The following DAB1 variants were observed in gnomAD, a reference collection of about 807,000 sequenced individuals.
DAB1 encodes DAB adaptor protein 1.
A neutral mutation model predicts 64.6 loss-of-function variants in DAB1; 15 were observed. The ratio of observed to expected loss-of-function variants is 0.23; its 90% confidence interval spans 0.16 to 0.36. The LOEUF (loss-of-function observed/expected upper bound fraction) is 0.36. Among genes scored for constraint, DAB1 ranks in the 10% least tolerant of loss-of-function variants. The pLI, the probability that DAB1 is intolerant of heterozygous loss-of-function variation, is 1.00. For missense variants in DAB1, 596 were observed against 706.7 expected (o/e 0.84, Z 1.78); for synonymous variants, 235 against 251.9 (o/e 0.93, Z 0.64).
intron 6 of DAB1, among the ~76,000 whole-genome samples, chr1:57,742,306 AAGT>A (rs770046380): frequency 1.3e-5 from 2 of 152,194 alleles, no homozygotes; most frequent in Non-Finnish European, 2.9e-5. Context: ...AAAAATATAA[AAGT>A]AGATTTCATG....
At position 57,567,437 on chromosome 1, in the gene DAB1, C is replaced by A. The variant is rs557900674; in HGVS notation, n.625+82155G>T. 4.6e-5 allele frequency among the ~76,000 whole-genome samples: 7 copies of A among 152,224 alleles called. No individual in the cohort carries two copies. In the South Asian group the frequency reaches 6.2e-4, roughly 14 times the overall value. Reference sequence around the variant, plus strand: ...GGAAGTTCTGGCCAGGGCAACCAGGCAGGAGAAAGAAATAAAGGGTATTCA... The same window carrying A: ...GGAAGTTCTGGCCAGGGCAACCAGGAAGGAGAAAGAAATAAAGGGTATTCA... On this transcript the variant is annotated intron_variant and non_coding_transcript_variant, in intron 7 of 20. Transcript: ENST00000485760.
chr1:58,086,947 C>T (rs149470693), intron 5 of DAB1, among the ~76,000 whole-genome samples: 20 of 152,176 alleles, frequency 1.3e-4, no homozygotes, highest in African/African-American at 4.6e-4. Flanking sequence ...CCATAATATG[C>T]TGTGAGGTCC....
chr1:58,429,502 T>C (rs1306900212), intron 3 of DAB1, among the ~76,000 whole-genome samples: 4 of 152,130 alleles, frequency 2.6e-5, no homozygotes, highest in African/African-American at 9.7e-5. Flanking sequence ...AGGAAGGCCT[T>C]TCCCTGTGTC....
intron 4 of DAB1, among the ~76,000 whole-genome samples, chr1:58,288,019 C>CAAAAAAAAAAAAAAAAAAAAAA (rs763850453): frequency 4.5e-5 from 1 of 21,982 alleles, no homozygotes; most frequent in Admixed American, 6.9e-4. Context: ...AAGACTGCCT[C>CAAAAAAAAAAAAAAAAAAAAAA]AAAAAAAAAA....
chr1:57,724,286 C>CGAAG (rs761987366), intron 6 of DAB1, among the ~76,000 whole-genome samples: 12 of 109,662 alleles, frequency 1.1e-4, no homozygotes, highest in Admixed American at 5.2e-4. Context: ...AAGGAAGGAA[C>CGAAG]GAAGGAAGGA....
At chr1:57,551,850 G>C (rs1215613174) in intron 7 of DAB1, among the ~76,000 whole-genome samples, 1 of 152,130 alleles carries the variant, frequency 6.6e-6, no homozygotes, top group Non-Finnish European at 1.5e-5. Context: ...CTTTCCCCAA[G>C]ACTTGAAACA....
chr1:57,808,732 C>T (rs1206075772), intron 6 of DAB1, among the ~76,000 whole-genome samples: 1 of 152,104 alleles, frequency 6.6e-6, no homozygotes, highest in Non-Finnish European at 1.5e-5. Context: ...ATAATGAAAA[C>T]TTTAGTTTTC....
At chr1:58,494,861 C>G (rs1487719167) in intron 3 of DAB1, among the ~76,000 whole-genome samples, 1 of 152,116 alleles carries the variant, frequency 6.6e-6, no homozygotes, top group South Asian at 2.1e-4. Context: ...GTCAGTGTGG[C>G]GATTCCTCAG....
intron 1 of DAB1, among the ~76,000 whole-genome samples, chr1:57,332,417 T>C (rs1676749102): frequency 6.6e-6 from 1 of 152,224 alleles, no homozygotes; most frequent in Non-Finnish European, 1.5e-5. Flanking sequence ...CAGTGTCTGT[T>C]ACCTTTCTAG....
At chr1:57,057,193 A>T (rs768762070) in intron 9 of DAB1, among the ~76,000 whole-genome samples, 1 of 152,186 alleles carries the variant, frequency 6.6e-6, no homozygotes, top group Admixed American at 6.5e-5. Context: ...AAAGTAGAGA[A>T]GGCAACAAAA....
chr1:57,517,400 T>G (rs936780959), intron 7 of DAB1, among the ~76,000 whole-genome samples: 2 of 152,224 alleles, frequency 1.3e-5, no homozygotes, highest in African/African-American at 4.8e-5. Flanking sequence ...GCAAAGGTGC[T>G]GACCTAACTG....
At chr1:57,411,370 G>T (rs1307981664) in intron 1 of DAB1, among the ~76,000 whole-genome samples, 1 of 152,202 alleles carries the variant, frequency 6.6e-6, no homozygotes, top group South Asian at 2.1e-4. Context: ...TCATTTGAAA[G>T]TGGGAATAAC....
At chr1:57,891,266 C>A (rs1644309621) in intron 5 of DAB1, among the ~76,000 whole-genome samples, 1 of 152,160 alleles carries the variant, frequency 6.6e-6, no homozygotes, top group Admixed American at 6.5e-5. Flanking sequence ...AAAAGCTCGT[C>A]ATCACTGGTC....
At chr1:57,951,430 A>ACACTGACT (rs1189184540) in intron 5 of DAB1, among the ~76,000 whole-genome samples, 21 of 150,520 alleles carry the variant, frequency 1.4e-4, no homozygotes, top group Non-Finnish European at 2.5e-4. Context: ...CAATGTAGAA[A>ACACTGACT]CACTGACTTA....
intron 6 of DAB1, among the ~76,000 whole-genome samples, chr1:57,790,580 A>G (rs1318492870): frequency 6.6e-6 from 1 of 152,166 alleles, no homozygotes; most frequent in Non-Finnish European, 1.5e-5. Context: ...ACCAGCCCAA[A>G]GCAACTTTCT....
intron 1 of DAB1, among the ~76,000 whole-genome samples, chr1:57,361,704 A>T (rs1429187751): frequency 6.6e-6 from 1 of 152,152 alleles, no homozygotes; most frequent in Non-Finnish European, 1.5e-5. Context: ...CATGAGAATC[A>T]CATAGCCCAG....
At chr1:57,257,885 C>T (rs1444794378) in intron 2 of DAB1, among the ~76,000 whole-genome samples, 1 of 152,196 alleles carries the variant, frequency 6.6e-6, no homozygotes, top group Non-Finnish European at 1.5e-5. Flanking sequence ...CTCAGCCATC[C>T]TCTTAAAAGA....
intron 7 of DAB1, among the ~76,000 whole-genome samples, chr1:57,621,977 T>A (rs1185438589): frequency 6.6e-6 from 1 of 152,320 alleles, no homozygotes; most frequent in East Asian, 1.9e-4. Flanking sequence ...CAGACTCAAA[T>A]GCCCTGAGCA....
chr1:58,111,647 T>C (rs140403882), intron 5 of DAB1, among the ~76,000 whole-genome samples: 1 of 152,302 alleles, frequency 6.6e-6, no homozygotes, highest in Non-Finnish European at 1.5e-5. Flanking sequence ...TGTACCACAG[T>C]AAGTCCTGTT....
Sources: gnomAD v4.1 joint callset for allele counts (sites outside exome capture counted in the v4.1 genomes callset) on GRCh38, gnomAD v4.1.1 for gene constraint, MANE v1.5 for transcripts, NCBI Gene and HGNC (gene_info 2026-07-23, HGNC 2026-07-21) for gene names.